Variants in EXOC4 observed in about 807,000 individuals in gnomAD.
The protein encoded by EXOC4 is SEC8-like 1.
A neutral mutation model predicts 107.2 loss-of-function variants in EXOC4; 71 were observed. The observed-to-expected ratio is 0.66, with a 90% CI of 0.55 to 0.81. The LOEUF (loss-of-function observed/expected upper bound fraction) is 0.81, where lower values mean the gene tolerates loss of function less well. Among genes scored for constraint, EXOC4 ranks in the 30% least tolerant of loss-of-function variants. The pLI, the probability that EXOC4 is intolerant of heterozygous loss-of-function variation, is 0.00. For missense variants in EXOC4, 1,108 were observed against 1,189.6 expected (o/e 0.93, Z 1.01); for synonymous variants, 456 against 441.2 (o/e 1.03, Z -0.42).
chr7:133,932,055 A>T (rs1800188313), intron 13 of EXOC4, among the ~76,000 whole-genome samples: 1 of 152,232 alleles, frequency 6.6e-6, no homozygotes, highest in Non-Finnish European at 1.5e-5. Context: ...CTATGCATTT[A>T]TGCGTTCCTG....
At chr7:133,805,610 G>T (rs1008711701) in intron 10 of EXOC4, among the ~76,000 whole-genome samples, 2 of 152,172 alleles carry the variant, frequency 1.3e-5, no homozygotes, top group African/African-American at 4.8e-5. Context: ...ACGTAAGGGA[G>T]AAGGGCCTCT....
chr7:134,077,826 A>G, the EXOC4 span, among the ~76,000 whole-genome samples: 2,710 of 152,342 alleles, frequency 0.018, 67 homozygotes, highest in African/African-American at 0.061. Flanking sequence ...GTTCAGGCCT[A>G]CTCAGGCTCC....
chr7:133,363,662 T>C (rs376118267), intron 6 of EXOC4, among the ~76,000 whole-genome samples: 1 of 150,810 alleles, frequency 6.6e-6, no homozygotes, highest in East Asian at 1.9e-4. Context: ...TTACATATTA[T>C]AGTAGGTTCA....
chr7:133,979,507 G>A (rs992321026), intron 14 of EXOC4, among the ~76,000 whole-genome samples: 7 of 152,150 alleles, frequency 4.6e-5, no homozygotes, highest in African/African-American at 1.7e-4. Context: ...CTAAGTTGCG[G>A]CTGGGTGCGG....
intron 10 of EXOC4, among the ~76,000 whole-genome samples, chr7:133,690,645 A>G (rs945056053): frequency 6.6e-6 from 1 of 152,164 alleles, no homozygotes; most frequent in African/African-American, 2.4e-5. Flanking sequence ...CTTTAATTCA[A>G]TGCTTGGGGA....
intron 10 of EXOC4, among the ~76,000 whole-genome samples, chr7:133,686,993 T>TTGTGTG (rs1027053373): frequency 1.3e-4 from 1 of 7,572 alleles, no homozygotes; most frequent in African/African-American, 2.4e-4. Context: ...ATAAAGAATT[T>TTGTGTG]TGTGTGTGTG....
chr7:133,637,066 C>T (rs142970072), intron 10 of EXOC4, among the ~76,000 whole-genome samples: 27 of 152,216 alleles, frequency 1.8e-4, no homozygotes, highest in African/African-American at 6.3e-4. Flanking sequence ...CTTTGAAATG[C>T]CTATGATTAA....
intron 11 of EXOC4, among the ~76,000 whole-genome samples, chr7:133,840,813 T>C (rs1798010864): frequency 6.6e-6 from 1 of 152,140 alleles, no homozygotes; most frequent in African/African-American, 2.4e-5. Context: ...AGTTTGTGGT[T>C]CCATTGGGTG....
At chr7:133,470,376 T>C (rs1282674502) in intron 7 of EXOC4, among the ~76,000 whole-genome samples, 1 of 152,218 alleles carries the variant, frequency 6.6e-6, no homozygotes, top group Non-Finnish European at 1.5e-5. Flanking sequence ...CCTGCTTTAA[T>C]ACCGTGAGAT....
At chr7:133,734,167 C>T (rs140832343) in intron 10 of EXOC4, among the ~76,000 whole-genome samples, 1 of 152,308 alleles carries the variant, frequency 6.6e-6, no homozygotes, top group African/African-American at 2.4e-5. Flanking sequence ...TTGTTATCCA[C>T]AGGAGAGCTT....
At chr7:133,723,148 T>C (rs1342831912) in intron 10 of EXOC4, among the ~76,000 whole-genome samples, 12 of 152,238 alleles carry the variant, frequency 7.9e-5, no homozygotes, top group Admixed American at 7.9e-4. Flanking sequence ...TGTCTGTTGC[T>C]CATTAAAGTA....
At chr7:133,272,457 G>C (rs1793894541) in intron 1 of EXOC4, among the ~76,000 whole-genome samples, 1 of 152,070 alleles carries the variant, frequency 6.6e-6, no homozygotes, top group Non-Finnish European at 1.5e-5. Context: ...TACTCCAAAG[G>C]CCTGTTATGA....
At chr7:133,467,481 T>A (rs574407130) in intron 7 of EXOC4, among the ~76,000 whole-genome samples, 68 of 152,212 alleles carry the variant, frequency 4.5e-4, no homozygotes, top group African/African-American at 1.6e-3. Context: ...TCAGATCAAT[T>A]TACATACAGC....
intron 14 of EXOC4, among the ~76,000 whole-genome samples, chr7:133,994,757 TTGTG>T (rs68167254): frequency 0.019 from 2,781 of 148,164 alleles, 76 homozygotes; most frequent in Admixed American, 0.086. Context: ...GTACAAGGTT[TTGTG>T]TGTGTGTGTG....
rs1794001984 is a variant in EXOC4 at position 133,276,720 on chromosome 7, A to G, written c.276+1549A>G. Among the ~76,000 whole-genome samples the G allele has an allele frequency of 2.0e-5, 3 of 152,002 alleles. No individual in the cohort carries two copies. In the South Asian group the frequency reaches 6.2e-4, roughly 32 times the overall value. ...AAAATTCACTGCCCTGTGCTATGAG[A>G]TTGGTTAGGGGACTGGCTGGCCTGT... On this transcript the variant is annotated intron_variant, in intron 2 of 17. Coordinates refer to ENST00000253861, the MANE Select transcript of EXOC4 (RefSeq NM_021807.4).
At chr7:133,998,203 A>G (rs976504146) in intron 15 of EXOC4, among the ~76,000 whole-genome samples, 5 of 152,202 alleles carry the variant, frequency 3.3e-5, no homozygotes, top group Admixed American at 6.5e-5. Context: ...TAGGCAATCA[A>G]TGGAAGTGAT....
At chr7:133,877,803 T>C (rs1232827755) in intron 11 of EXOC4, among the ~76,000 whole-genome samples, 3 of 152,194 alleles carry the variant, frequency 2.0e-5, no homozygotes, top group Non-Finnish European at 2.9e-5. Flanking sequence ...TCCTCTCTCT[T>C]TGCGAAGCTC....
intron 13 of EXOC4, 112 bp downstream of exon 13, chr7:133,917,850 C>T (rs1585247423): frequency 5.9e-6 from 6 of 1,020,340 alleles, no homozygotes; most frequent in Middle Eastern, 2.5e-4. Flanking sequence ...GCAGCAATTA[C>T]TTGAACTTAG....
chr7:133,926,611 C>T (rs906088881), intron 13 of EXOC4, among the ~76,000 whole-genome samples: 1 of 152,026 alleles, frequency 6.6e-6, no homozygotes, highest in East Asian at 1.9e-4. Flanking sequence ...GTCTTATTTT[C>T]CTCTGATTTA....
Sources: gnomAD v4.1 joint callset for allele counts (sites outside exome capture counted in the v4.1 genomes callset) on GRCh38, gnomAD v4.1.1 for gene constraint, MANE v1.5 for transcripts, NCBI Gene and HGNC (gene_info 2026-07-23, HGNC 2026-07-21) for gene names.